The following ZNF639 variants were observed in gnomAD, a reference collection of about 807,000 sequenced individuals.
ZNF639 encodes the protein zinc finger amplified in esophageal squamous cell carcinomas 1.
ZNF639 carries 20 observed loss-of-function variants against 39.8 expected under a neutral mutation model. That is an observed-to-expected ratio of 0.50 (90% CI 0.35 to 0.73). The LOEUF (loss-of-function observed/expected upper bound fraction) is 0.73. ZNF639 is among the 30% of genes least tolerant of loss of function. The pLI is 0.00. For missense variants in ZNF639, 477 were observed against 566.2 expected (o/e 0.84, Z 1.60); for synonymous variants, 176 against 189.8 (o/e 0.93, Z 0.60).
Position 179,323,078 on chromosome 3 carries a change from C to A in ZNF639, c.-296C>A, listed in dbSNP as rs1006703411. On this transcript the variant is annotated 5_prime_UTR_variant, in exon 1 of 6. Transcript: ENST00000496856. Reference sequence around the variant, plus strand: ...AGCGTGGCGGCCAGGGCAGTGCGGCCGCGGAGCCTAGGCCAGGGGCCTGGC... The same window carrying A: ...AGCGTGGCGGCCAGGGCAGTGCGGCAGCGGAGCCTAGGCCAGGGGCCTGGC... 8.1e-6 allele frequency: 8 copies of A among 984,808 alleles called. No individual in the cohort carries two copies. Among genetic ancestry groups the A allele is most frequent in the Non-Finnish European group, 7.2e-6 (6 of 829,994 alleles). 61.0% of individuals were successfully genotyped at this position (984,808 alleles called of 1,614,324 possible).
At chr3:179,329,867 C>T (rs1727805228) in intron 4 of ZNF639, 139 bp downstream of exon 4, 6 of 338,156 alleles carry the variant, frequency 1.8e-5, no homozygotes, top group South Asian at 1.3e-4. Flanking sequence ...TGTAAGAAAA[C>T]AAAGTTGTAT....
chr3:179,336,429 A>G lies in ZNF639; in HGVS notation c.*2007A>G, dbSNP rs367979126. On this transcript the variant is annotated 3_prime_UTR_variant, in exon 6 of 6. Coordinates refer to ENST00000496856, the MANE Select transcript of ZNF639 (RefSeq NM_001303426.2). ...AGTCTGTTTGGACAATGGTGGCTGCAAGTATTCTTAGAAGGTATTATTTTT... is the reference window on the plus strand; with the variant it reads ...AGTCTGTTTGGACAATGGTGGCTGCGAGTATTCTTAGAAGGTATTATTTTT... 1.1e-4 allele frequency: 16 copies of G among 152,206 alleles called. No homozygotes were observed. The highest frequency in any genetic ancestry group is 3.9e-4 in the African/African-American group (16 of 41,452). The allele number at this position is 152,206 out of a possible 1,614,324, so 9.4% of individuals were successfully genotyped here.
At position 179,333,763 on chromosome 3, in the gene ZNF639, T is replaced by G. The variant is rs768515624; in HGVS notation, c.799T>G (p.Tyr267Asp). ...EDPYICKYCD[Y>D]KTVIFENLSQ... The stretch of plus-strand genomic sequence containing the variant: ...TCCCTACATTTGTAAATACTGTGAT[T>G]ATAAGACAGTAATTTTTGAGAACCT... Residue 267 changes from tyrosine to aspartate, a missense_variant, in exon 6 of 6, where the codon TAT becomes GAT. Coordinates refer to ENST00000496856, the MANE Select transcript of ZNF639 (RefSeq NM_001303426.2). 2.4e-5 allele frequency: 39 copies of G among 1,614,086 alleles called. No individual in the cohort carries two copies. The highest frequency in any genetic ancestry group is 3.2e-5 in the Non-Finnish European group (38 of 1,180,042).
Position 179,338,070 on chromosome 3 carries a change from T to G in ZNF639, c.*3648T>G, listed in dbSNP as rs917323345. ...CTGAGCCACCACGCCCGGCCAGTCT[T>G]TATTTTTAACTTAAAGAACTTCAGA... On this transcript the variant is annotated 3_prime_UTR_variant, in exon 6 of 6. Coordinates refer to ENST00000496856, the MANE Select transcript of ZNF639 (RefSeq NM_001303426.2). The G allele has an allele frequency of 2.6e-5, 4 of 152,132 alleles. No homozygotes were observed. Among genetic ancestry groups the G allele is most frequent in the Non-Finnish European group, 5.9e-5 (4 of 68,018 alleles). The allele number at this position is 152,132 out of a possible 1,614,324, so 9.4% of individuals were successfully genotyped here.
chr3:179,326,657 C>T lies in ZNF639; in HGVS notation c.-82-904C>T, dbSNP rs529364136. On this transcript the variant is annotated intron_variant, in intron 1 of 5. Coordinates refer to ENST00000496856, the MANE Select transcript of ZNF639 (RefSeq NM_001303426.2). Reference sequence around the variant, plus strand: ...TTTTTGTTTTTGAGAGAGAGTCTTGCTCTGTTGCCCAGGCTGGAGTGCAGT... The same window carrying T: ...TTTTTGTTTTTGAGAGAGAGTCTTGTTCTGTTGCCCAGGCTGGAGTGCAGT... 4.0e-5 allele frequency among the ~76,000 whole-genome samples: 6 copies of T among 151,578 alleles called. No individual in the cohort carries two copies. In the South Asian group the frequency reaches 1.3e-3, roughly 32 times the overall value.
At position 179,335,907 on chromosome 3, in the gene ZNF639, C is replaced by G. The variant is rs1056326364; in HGVS notation, c.*1485C>G. 1 of 151,978 alleles carries G rather than the reference C, an allele frequency of 6.6e-6. No homozygotes were observed. The highest frequency in any genetic ancestry group is 1.5e-5 in the Non-Finnish European group (1 of 68,088). 9.4% of individuals were successfully genotyped at this position (151,978 alleles called of 1,614,324 possible). On this transcript the variant is annotated 3_prime_UTR_variant, in exon 6 of 6. Transcript: ENST00000496856. ...CCAGGTTCAAGTGATTCTGCTGCCT[C>G]AGCTTCCCAAGTAGCTGGGGTTAAC...
chr3:179,328,735 A>G (rs1308239534), intron 3 of ZNF639, among the ~76,000 whole-genome samples: 3 of 150,386 alleles, frequency 2.0e-5, no homozygotes, highest in African/African-American at 7.3e-5. Context: ...TATCCTCTTT[A>G]TTACTTTAGG....
In ZNF639 at chr3:179,335,774, C is replaced by CTT. The variant is rs35673654; in HGVS notation, c.*1368_*1369dup. On this transcript the variant is annotated 3_prime_UTR_variant, in exon 6 of 6. Transcript: ENST00000496856. Reference sequence around the variant, plus strand: ...TGCAAGTCTGTCCCCCAAATTTCCTCTTTTTTTTTTTTTTTTTGCTTTTTT... The same window carrying CTT: ...TGCAAGTCTGTCCCCCAAATTTCCTCTTTTTTTTTTTTTTTTTTTGCTTTTTT... 6,698 of 128,488 alleles carry CTT rather than the reference C, an allele frequency of 0.052. 391 individuals are homozygous for CTT. The highest frequency in any genetic ancestry group is 0.13 in the African/African-American group (4,595 of 34,330). The allele number at this position is 128,488 out of a possible 1,614,324, so 8.0% of individuals were successfully genotyped here. A position where few individuals can be genotyped will look rare whatever the true frequency, so the allele number is the denominator to read the frequency against.
In ZNF639 at chr3:179,333,018, G is replaced by T. The variant is rs537907877; in HGVS notation, c.199G>T (p.Asp67Tyr). Residue 67 changes from aspartate to tyrosine, a missense_variant, in exon 5 of 6, where the codon GAC (aspartate) becomes TAC (tyrosine). By Grantham distance (160) the Asp-to-Tyr change is radical. Transcript: ENST00000496856. ...DDDSDTETSN[D>Y]LPKFADGIKA... ...TGATTCTGATACCGAGACGTCAAAT[G>T]ACTTGCCAAAATTTGCAGATGGAAT... 3.3e-5 allele frequency: 52 copies of T among 1,555,540 alleles called. No homozygotes were observed. The highest frequency in any genetic ancestry group is 4.4e-5 in the Non-Finnish European group (50 of 1,148,848).
intron 1 of ZNF639, among the ~76,000 whole-genome samples, chr3:179,324,593 G>A (rs745975732): frequency 6.6e-6 from 1 of 152,216 alleles, no homozygotes; most frequent in African/African-American, 2.4e-5. Context: ...TTGGTCTTGA[G>A]TAGGCATCAC....
chr3:179,332,249 A>G (rs139974456), intron 4 of ZNF639, among the ~76,000 whole-genome samples: 1 of 152,246 alleles, frequency 6.6e-6, no homozygotes, highest in African/African-American at 2.4e-5. Context: ...ACTGGGATAC[A>G]TGGGACCTCT....
intron 1 of ZNF639, among the ~76,000 whole-genome samples, chr3:179,326,402 T>G (rs1727595603): frequency 6.6e-6 from 1 of 152,176 alleles, no homozygotes; most frequent in South Asian, 2.1e-4. Context: ...GGTAAACCTT[T>G]ATTCAAATCC....
chr3:179,323,261 G>A lies in ZNF639; in HGVS notation c.-113G>A. ...CTCGGCCGCCGCCGCCTCTGCGTGG[G>A]CCGGCCGGGAGGGCCTCGGGGGACT... On this transcript the variant is annotated 5_prime_UTR_variant, in exon 1 of 6. Coordinates refer to ENST00000496856, the MANE Select transcript of ZNF639 (RefSeq NM_001303426.2). 1 of 985,386 alleles carries A rather than the reference G, an allele frequency of 1.0e-6. No homozygotes were observed. Among genetic ancestry groups the A allele is most frequent in the South Asian group, 4.7e-5 (1 of 21,296 alleles). The allele number at this position is 985,386 out of a possible 1,614,324, so 61.0% of individuals were successfully genotyped here.
chr3:179,331,100 G>A (rs1727878948), intron 4 of ZNF639, among the ~76,000 whole-genome samples: 1 of 152,170 alleles, frequency 6.6e-6, no homozygotes, highest in African/African-American at 2.4e-5. Flanking sequence ...GCATTTTGTA[G>A]TGCTGGAAAA....
At chr3:179,328,514 C>T (rs1727724201) in intron 3 of ZNF639, among the ~76,000 whole-genome samples, 163 bp downstream of exon 3, 1 of 152,164 alleles carries the variant, frequency 6.6e-6, no homozygotes, top group African/African-American at 2.4e-5. Flanking sequence ...TCCTTATTGT[C>T]TACCATGTGC....
chr3:179,336,812 T>C lies in ZNF639; in HGVS notation c.*2390T>C, dbSNP rs1255215264. The C allele has an allele frequency of 6.6e-6, 1 of 152,260 alleles. No homozygotes were observed. The highest frequency in any genetic ancestry group is 1.5e-5 in the Non-Finnish European group (1 of 68,054). The allele number at this position is 152,260 out of a possible 1,614,324, so 9.4% of individuals were successfully genotyped here. The stretch of plus-strand genomic sequence containing the variant: ...TTTTTGTGACTACTTCACCTAACAA[T>C]TAACCTAGTTGTTGATAATTTTGTT... On this transcript the variant is annotated 3_prime_UTR_variant, in exon 6 of 6. Coordinates refer to ENST00000496856, the MANE Select transcript of ZNF639 (RefSeq NM_001303426.2).
At chr3:179,325,725 G>C (rs2108492789) in intron 1 of ZNF639, among the ~76,000 whole-genome samples, 1 of 151,410 alleles carries the variant, frequency 6.6e-6, no homozygotes, top group South Asian at 2.1e-4. Flanking sequence ...AACCCCGTCT[G>C]TACTAAAAAT....
chr3:179,333,504 C>T lies in ZNF639; in HGVS notation c.540C>T (p.Asp180=), dbSNP rs762086082. 5 of 1,614,128 alleles carry T rather than the reference C, an allele frequency of 3.1e-6. No individual in the cohort carries two copies. In the East Asian group the frequency reaches 1.1e-4, roughly 36 times the overall value. ...EPPAKLCKIL[D]KSQALNVTAQ... ...CAGCTAAACTTTGTAAAATTCTTGA[C>T]AAGAGCCAAGCTTTGAATGTGACTG... Residue 180 remains aspartate, a synonymous_variant, in exon 6 of 6, where the codon GAC becomes GAT. Transcript: ENST00000496856.
At position 179,324,774 on chromosome 3, in the gene ZNF639, C is replaced by G. The variant is rs987095449; in HGVS notation, c.-83+1483C>G. Among the ~76,000 whole-genome samples the G allele has an allele frequency of 2.6e-5, 4 of 152,304 alleles. No homozygotes were observed. In the East Asian group the frequency reaches 7.7e-4, roughly 29 times the overall value. On this transcript the variant is annotated intron_variant, in intron 1 of 5. Coordinates refer to ENST00000496856, the MANE Select transcript of ZNF639 (RefSeq NM_001303426.2). ...TTGGTTTCCTTTTCTTACTTTTATT[C>G]TTCAAGTTGCAAAGAACTTGAGATG... is the stretch of plus-strand genomic sequence containing the variant.
Sources: allele counts gnomAD v4.1 joint callset (sites outside exome capture counted in the v4.1 genomes callset), GRCh38; gene constraint gnomAD v4.1.1; transcripts MANE v1.5; gene names NCBI Gene and HGNC (gene_info 2026-07-23, HGNC 2026-07-21).